The following ZNF385D variants were observed in gnomAD, a reference collection of about 807,000 sequenced individuals.
The protein encoded by ZNF385D is zinc finger protein 659.
ZNF385D carries 15 observed loss-of-function variants against 35.8 expected under a neutral mutation model. That is an observed-to-expected ratio of 0.42 (90% confidence interval 0.28 to 0.64). ZNF385D has a LOEUF of 0.64. Ranked by LOEUF, ZNF385D falls within the 30% of genes least tolerant of loss-of-function variation. The pLI is 0.23. For missense variants in ZNF385D, 474 were observed against 494.6 expected, an observed-to-expected ratio of 0.96 and a Z score of 0.39; for synonymous variants, 212 against 186.8, an observed-to-expected ratio of 1.13 and a Z score of -1.10.
chr3:21,751,165 C>G lies in ZNF385D; in HGVS notation c.-249G>C. 1 of 1,413,576 alleles carries G rather than the reference C, an allele frequency of 7.1e-7. No homozygotes were observed. The highest frequency in any genetic ancestry group is 1.5e-5 in the South Asian group (1 of 66,102). The allele number at this position is 1,413,576 out of a possible 1,614,324, so 87.6% of individuals were successfully genotyped here. On this transcript the variant is annotated 5_prime_UTR_variant, in exon 1 of 8. Coordinates refer to ENST00000281523, the MANE Select transcript of ZNF385D (RefSeq NM_024697.3). ...TGCACTGCCCATCCTTACTGTAATC[C>G]GACTCCTCCTTGCGATGTCCTTGCC...
At chr3:22,017,897 G>T (rs1432189355) in intron 3 of ZNF385D, among the ~76,000 whole-genome samples, 1 of 151,502 alleles carries the variant, frequency 6.6e-6, no homozygotes, top group Non-Finnish European at 1.5e-5. Flanking sequence ...CTTGTTTTTT[G>T]CCTATTCAAT....
At chr3:22,275,512 A>C (rs1701381991) in intron 2 of ZNF385D, among the ~76,000 whole-genome samples, 1 of 152,146 alleles carries the variant, frequency 6.6e-6, no homozygotes, top group Non-Finnish European at 1.5e-5. Context: ...AAGTTAAGAA[A>C]TAAAACTGCA....
chr3:21,946,716 C>G (rs1400055605), intron 3 of ZNF385D, among the ~76,000 whole-genome samples: 1 of 152,112 alleles, frequency 6.6e-6, no homozygotes, highest in East Asian at 1.9e-4. Flanking sequence ...CCTGTAATGC[C>G]AGCTACTAGG....
chr3:21,905,470 C>T (rs777934369), intron 3 of ZNF385D, among the ~76,000 whole-genome samples: 6 of 149,122 alleles, frequency 4.0e-5, no homozygotes, highest in South Asian at 2.1e-4. Flanking sequence ...AACCAAGGCA[C>T]ACTGCTCAAC....
At position 21,540,522 on chromosome 3, in the gene ZNF385D, G is replaced by A. The variant is rs78574091; in HGVS notation, c.276+24052C>T. 4.1e-3 allele frequency among the ~76,000 whole-genome samples: 631 copies of A among 152,254 alleles called. 12 individuals are homozygous for A. In the East Asian group the frequency reaches 0.043, roughly 10 times the overall value. On this transcript the variant is annotated intron_variant, in intron 3 of 7. Transcript: ENST00000281523. ...AAAAGTTGATTATCATGACAAGTTCGCTGATGCAGAGAAAATAAGCTCTGC... is the reference window on the plus strand; with the variant it reads ...AAAAGTTGATTATCATGACAAGTTCACTGATGCAGAGAAAATAAGCTCTGC...
chr3:21,800,359 A>T (rs930222711), intron 3 of ZNF385D, among the ~76,000 whole-genome samples: 2 of 152,174 alleles, frequency 1.3e-5, no homozygotes, highest in Non-Finnish European at 1.5e-5. Context: ...AGCAATATTA[A>T]ATCTATCCAA....
chr3:21,867,570 T>C (rs1377053751), intron 3 of ZNF385D, among the ~76,000 whole-genome samples: 1 of 152,210 alleles, frequency 6.6e-6, no homozygotes, highest in Admixed American at 6.5e-5. Flanking sequence ...TATTTGCATC[T>C]TGTATTTACT....
chr3:22,068,034 T>G (rs1211961932), intron 3 of ZNF385D, among the ~76,000 whole-genome samples: 1 of 152,044 alleles, frequency 6.6e-6, no homozygotes, highest in Non-Finnish European at 1.5e-5. Flanking sequence ...CTAAGACTTC[T>G]CTGATCAATA....
chr3:22,057,513 A>T lies in ZNF385D; in HGVS notation c.325+111304T>A, dbSNP rs914362341. On this transcript the variant is annotated intron_variant, in intron 3 of 5. Transcript: ENST00000494108. ...TTATTTATTTATTTTCTTTTAAAGT[A>T]TTTTTTTTTTTTTTGAGACAGAGTC... Among the ~76,000 whole-genome samples, 877 of 144,896 alleles carry T rather than the reference A, an allele frequency of 6.1e-3. 9 individuals are homozygous for T. The highest frequency in any genetic ancestry group is 0.021 in the African/African-American group (831 of 39,412).
At chr3:21,504,424 C>A (rs180810010) in intron 4 of ZNF385D, among the ~76,000 whole-genome samples, 3 of 152,228 alleles carry the variant, frequency 2.0e-5, no homozygotes, top group African/African-American at 7.2e-5. Context: ...AAGTCTAAAG[C>A]TTTACCATGC....
At chr3:22,268,246 T>A (rs1448373644) in intron 2 of ZNF385D, among the ~76,000 whole-genome samples, 1 of 151,994 alleles carries the variant, frequency 6.6e-6, no homozygotes, top group Admixed American at 6.6e-5. Flanking sequence ...ATGGCACAAA[T>A]CAGCCATGTT....
intron 3 of ZNF385D, among the ~76,000 whole-genome samples, chr3:21,564,272 TC>T (rs2063061686): frequency 6.6e-6 from 1 of 152,074 alleles, no homozygotes; most frequent in Admixed American, 6.6e-5. Flanking sequence ...GTTTTACTGT[TC>T]CCAAAGGCAA....
chr3:21,748,188 A>C (rs1480336744), intron 1 of ZNF385D, among the ~76,000 whole-genome samples: 4 of 152,212 alleles, frequency 2.6e-5, no homozygotes, highest in African/African-American at 9.7e-5. Flanking sequence ...AGTGAGGCTT[A>C]AGTCATTAGA....
chr3:21,676,477 A>C (rs2066733561), intron 1 of ZNF385D, among the ~76,000 whole-genome samples: 1 of 152,098 alleles, frequency 6.6e-6, no homozygotes, highest in African/African-American at 2.4e-5. Context: ...TAATTGTGGA[A>C]TCCCAAAAAG....
chr3:21,567,776 C>A (rs887979193), intron 2 of ZNF385D, among the ~76,000 whole-genome samples: 4 of 152,214 alleles, frequency 2.6e-5, no homozygotes, highest in African/African-American at 9.6e-5. Context: ...AAGAAAGATG[C>A]TCTCCGAAAA....
chr3:21,459,581 C>T (rs758477084), intron 4 of ZNF385D: 1 of 152,100 alleles, frequency 6.6e-6, no homozygotes, highest in Non-Finnish European at 1.5e-5. Flanking sequence ...GTGAAATCAG[C>T]ACAAGATGGC....
intron 3 of ZNF385D, among the ~76,000 whole-genome samples, chr3:22,077,076 T>C (rs115010711): frequency 1.1e-4 from 16 of 152,052 alleles, no homozygotes; most frequent in Non-Finnish European, 2.2e-4. Flanking sequence ...ATACCCATAA[T>C]AACCATATTT....
chr3:21,421,367 G>GGCTGCTGCAGCT lies in ZNF385D; in HGVS notation c.1023_1034dup (p.Ala345_Ala348dup). ...GGGAACTCACTGCCACTGCTGCTGC[G>GGCTGCTGCAGCT]GCTGCTGCAGCTGCTAGAGGATTTG... On this transcript the variant is annotated inframe_insertion, in exon 8 of 8. Transcript: ENST00000281523. The GGCTGCTGCAGCT allele has an allele frequency of 6.2e-7, 1 of 1,613,026 alleles. No homozygotes were observed. The highest frequency in any genetic ancestry group is 8.5e-7 in the Non-Finnish European group (1 of 1,179,458).
intron 3 of ZNF385D, among the ~76,000 whole-genome samples, chr3:22,027,726 C>T (rs557805884): frequency 2.0e-4 from 30 of 152,234 alleles, no homozygotes; most frequent in Non-Finnish European, 3.2e-4. Context: ...CATAATTGGG[C>T]TCAAGCAGGT....
Sources: gnomAD v4.1 joint callset for allele counts (sites outside exome capture counted in the v4.1 genomes callset) on GRCh38, gnomAD v4.1.1 for gene constraint, MANE v1.5 for transcripts, NCBI Gene and HGNC (gene_info 2026-07-23, HGNC 2026-07-21) for gene names.